Variants in PEMT observed in about 807,000 individuals in gnomAD.
PEMT encodes the protein phospholipid methyltransferase.
A neutral mutation model predicts 27.4 loss-of-function variants in PEMT; 23 were observed. The ratio of observed to expected loss-of-function variants is 0.84; its 90% CI spans 0.60 to 1.19. The LOEUF (loss-of-function observed/expected upper bound fraction) is 1.19. Among genes scored for constraint, PEMT ranks in the 50% most tolerant of loss-of-function variants. The pLI is 0.00. For missense variants in PEMT, 307 were observed against 310.1 expected, an observed-to-expected ratio of 0.99 and a Z score of 0.07; for synonymous variants, 137 against 139.1, an observed-to-expected ratio of 0.98 and a Z score of 0.11.
chr17:17,537,467 C>A (rs796376383), intron 2 of PEMT, among the ~76,000 whole-genome samples: 38 of 152,336 alleles, frequency 2.5e-4, no homozygotes, highest in African/African-American at 8.2e-4. Context: ...AAGCCTAGCC[C>A]AGCCCAGCCC....
chr17:17,513,729 T>C lies in PEMT; in HGVS notation c.321-1075A>G, dbSNP rs772977684. ...GAGGGCACAGGGGCTAGGCATGTGC[T>C]GATGTACCCAGGCCTCATCACAGGG... On this transcript the variant is annotated intron_variant, in intron 3 of 6. Coordinates refer to ENST00000255389, the MANE Select transcript of PEMT (RefSeq NM_148172.3). This position sits in a 1 kb window ranked among gnomAD's most constrained non-coding sequence, Gnocchi z 4.1. Among the ~76,000 whole-genome samples, 1 of 152,106 alleles carries C rather than the reference T, an allele frequency of 6.6e-6. No individual in the cohort carries two copies. Among genetic ancestry groups the C allele is most frequent in the Non-Finnish European group, 1.5e-5 (1 of 68,012 alleles).
chr17:17,572,358 G>A (rs1911267092), intron 2 of PEMT, among the ~76,000 whole-genome samples: 1 of 152,124 alleles, frequency 6.6e-6, no homozygotes, highest in South Asian at 2.1e-4. Context: ...CTCTCCCCAT[G>A]GCCCGCAAGG....
rs1172666763 is a variant in PEMT at position 17,582,175 on chromosome 17, T to C, written c.97-5148A>G. ...CCTTCATACAACAGAGGTCCCGGCT[T>C]TCTGCTACCCAGTAATTCTAATGGA... On this transcript the variant is annotated intron_variant, in intron 1 of 6. Coordinates refer to ENST00000255389, the MANE Select transcript of PEMT (RefSeq NM_148172.3). The surrounding 1 kb of genome is among the most constrained non-coding windows in gnomAD (Gnocchi z 4.9). 2 of 763,692 alleles carry C rather than the reference T, an allele frequency of 2.6e-6. No homozygotes were observed. The highest frequency in any genetic ancestry group is 3.8e-5 in the African/African-American group (2 of 52,990). 47.3% of individuals were successfully genotyped at this position (763,692 alleles called of 1,614,324 possible).
At chr17:17,578,061 A>G (rs1475308055) in intron 1 of PEMT, among the ~76,000 whole-genome samples, 10 of 151,982 alleles carry the variant, frequency 6.6e-5, no homozygotes. Context: ...CAGCACTGTG[A>G]AACGTTCTGA....
At chr17:17,557,800 C>G (rs892976137) in intron 2 of PEMT, among the ~76,000 whole-genome samples, 1 of 152,150 alleles carries the variant, frequency 6.6e-6, no homozygotes, top group African/African-American at 2.4e-5. Flanking sequence ...TCAGGTGTTC[C>G]CGAGGGAAAA....
chr17:17,542,227 C>T (rs76279970), intron 2 of PEMT, among the ~76,000 whole-genome samples: 73,882 of 152,010 alleles, frequency 0.49, 18,254 homozygotes, highest in Non-Finnish European at 0.54. Flanking sequence ...GTGATCTACC[C>T]GCCTCAGCCT....
At chr17:17,509,601 T>A in intron 4 of PEMT, 56 bp from the exon 5 acceptor site, 1 of 1,222,190 alleles carries the variant, frequency 8.2e-7, no homozygotes, top group Non-Finnish European at 1.2e-6. Flanking sequence ...GGCCACACCA[T>A]CACTGAGGGA....
chr17:17,519,545 G>A (rs373267915), intron 3 of PEMT, among the ~76,000 whole-genome samples: 1 of 152,134 alleles, frequency 6.6e-6, no homozygotes, highest in African/African-American at 2.4e-5. Flanking sequence ...TGCTGTCTAC[G>A]GCTGGAACTG....
chr17:17,532,422 TTACTATA>T, intron 2 of PEMT, among the ~76,000 whole-genome samples: 1 of 152,160 alleles, frequency 6.6e-6, no homozygotes, highest in East Asian at 1.9e-4. Flanking sequence ...ACAATTCCAT[TTACTATA>T]GCAATTAAAG....
chr17:17,550,854 G>T (rs1909610954), intron 2 of PEMT, among the ~76,000 whole-genome samples: 1 of 152,200 alleles, frequency 6.6e-6, no homozygotes, highest in African/African-American at 2.4e-5. Flanking sequence ...AGAGTACAGA[G>T]AAAGCCCACG....
At chr17:17,554,429 A>T (rs887588656) in intron 2 of PEMT, among the ~76,000 whole-genome samples, 1 of 152,134 alleles carries the variant, frequency 6.6e-6, no homozygotes, top group African/African-American at 2.4e-5. Flanking sequence ...GCAGTACAGG[A>T]ACGTGTTCGG....
chr17:17,561,906 C>T lies in PEMT; in HGVS notation c.204+15014G>A, dbSNP rs1043823469. Among the ~76,000 whole-genome samples the T allele has an allele frequency of 2.0e-5, 3 of 152,230 alleles. No individual in the cohort carries two copies. Among genetic ancestry groups the T allele is most frequent in the Non-Finnish European group, 4.4e-5 (3 of 68,038 alleles). On this transcript the variant is annotated intron_variant, in intron 2 of 6. Transcript: ENST00000255389. This position sits in a 1 kb window ranked among gnomAD's most constrained non-coding sequence, Gnocchi z 4.5. ...ATATTGACACAGGCAGGGCACACAG[C>T]AGCCGGGAAGCTGGGCTGTTGCGAA...
At chr17:17,558,792 T>C (rs1282865977) in intron 2 of PEMT, among the ~76,000 whole-genome samples, 2 of 151,674 alleles carry the variant, frequency 1.3e-5, no homozygotes, top group African/African-American at 2.4e-5. Context: ...GTGCTCCATG[T>C]ACACTATAAC....
intron 4 of PEMT, among the ~76,000 whole-genome samples, chr17:17,510,467 T>C (rs1416059398): frequency 3.3e-5 from 5 of 152,130 alleles, no homozygotes; most frequent in African/African-American, 7.2e-5. Flanking sequence ...TGCCCGACAA[T>C]GGGCAGCATG....
chr17:17,525,536 C>T (rs1382184618), intron 2 of PEMT, among the ~76,000 whole-genome samples: 6 of 152,214 alleles, frequency 3.9e-5, no homozygotes, highest in South Asian at 2.1e-4. Context: ...TAGTAGGCAG[C>T]GGCGTGGCCC....
At chr17:17,514,022 C>T (rs1906612811) in intron 3 of PEMT, among the ~76,000 whole-genome samples, 1 of 152,162 alleles carries the variant, frequency 6.6e-6, no homozygotes, top group Non-Finnish European at 1.5e-5. Flanking sequence ...CTCTATGCAC[C>T]CACACATCCA....
At chr17:17,577,448 G>A in intron 1 of PEMT, 1 of 1,038,966 alleles carries the variant, frequency 9.6e-7, no homozygotes, top group South Asian at 3.5e-5. Context: ...AAACAATAGT[G>A]GTGTGCCTCT....
At position 17,522,689 on chromosome 17, in the gene PEMT, G is replaced by A. The variant is rs915221300; in HGVS notation, c.205-294C>T. ...AACCCACCAAGAGGCAGAAAGAGAC[G>A]TCTGGTGGAGAAGATCTGTCCCTGG... On this transcript the variant is annotated intron_variant, in intron 2 of 6. Transcript: ENST00000255389. 3.9e-5 allele frequency among the ~76,000 whole-genome samples: 6 copies of A among 152,118 alleles called. No individual in the cohort carries two copies. The East Asian group carries it at 5.8e-4, about 15-fold the overall frequency.
At chr17:17,518,181 T>C in intron 3 of PEMT, 1 of 984,678 alleles carries the variant, frequency 1.0e-6, no homozygotes, top group Non-Finnish European at 1.2e-6. Flanking sequence ...AGGAGCTCGC[T>C]GATGCCCTAA....
Sources: gnomAD v4.1 joint callset for allele counts (sites outside exome capture counted in the v4.1 genomes callset) on GRCh38, gnomAD v4.1.1 for gene constraint, Gnocchi (gnomAD v3.1) non-coding constraint, MANE v1.5 for transcripts, NCBI Gene and HGNC (gene_info 2026-07-23, HGNC 2026-07-21) for gene names.